Variants in BACE1 observed in about 807,000 individuals in gnomAD.
BACE1 encodes APP beta-secretase.
A neutral mutation model predicts 54.0 loss-of-function variants in BACE1; 21 were observed. The observed-to-expected ratio is 0.39, with a 90% CI of 0.28 to 0.56. The LOEUF is 0.56. Ranked by LOEUF, BACE1 falls within the 20% of genes least tolerant of loss-of-function variation. BACE1 has a pLI of 0.63. For missense variants in BACE1, 511 were observed against 661.2 expected (o/e 0.77, Z 2.49); for synonymous variants, 232 against 260.9 (o/e 0.89, Z 1.07).
rs1342769624 is a variant in BACE1 at position 117,293,124 on chromosome 11, T to G, written c.770A>C (p.Glu257Ala). Residue 257 changes from glutamate (E) to alanine (A), a missense_variant, in exon 5 of 9, where the codon GAG (glutamate) becomes GCG (alanine). Glu to Ala is a moderately radical substitution (Grantham distance 107). This residue lies in a region of BACE1 where 407 missense variants were observed against 565.7 expected (regional missense o/e 0.72). Transcript: ENST00000313005. The surrounding 1 kb of genome is among the most constrained non-coding windows in gnomAD (Gnocchi z 4.1). ...CACAATGATCACCTCATAATACCAC[T>G]CCCGCCGGATGGGTGTATACCAGAG... Reference protein sequence around the residue: ...GSLWYTPIRREWYYEVIIVRV... With the variant: ...GSLWYTPIRRAWYYEVIIVRV... 1.1e-5 allele frequency: 17 copies of G among 1,613,730 alleles called. No homozygotes were observed. The highest frequency in any genetic ancestry group is 1.3e-5 in the Non-Finnish European group (15 of 1,179,912).
At chr11:117,299,025 C>T (rs749522106) in intron 1 of BACE1, among the ~76,000 whole-genome samples, 9 of 152,220 alleles carry the variant, frequency 5.9e-5, no homozygotes, top group South Asian at 2.1e-4. Flanking sequence ...AGGCTGGTCT[C>T]GAACTCCTGA....
rs80292650 is a variant in BACE1 at position 117,300,833 on chromosome 11, C to T, written c.262-3872G>A. ...CCATCTCCACCAAATCTGAATTCTT[C>T]CTGTTGACATTTACAGATGCTCATC... On this transcript the variant is annotated intron_variant, in intron 1 of 8. Coordinates refer to ENST00000313005, the MANE Select transcript of BACE1 (RefSeq NM_012104.6). Among the ~76,000 whole-genome samples, 730 of 152,282 alleles carry T rather than the reference C, an allele frequency of 4.8e-3. 3 individuals carry two copies. Among genetic ancestry groups the T allele is most frequent in the Non-Finnish European group, 7.3e-3 (497 of 68,016 alleles).
Position 117,289,878 on chromosome 11 carries a change from TAGTG to T in BACE1, c.1265-75_1265-72del, listed in dbSNP as rs2034367701. 1.5e-5 allele frequency: 20 copies of T among 1,368,452 alleles called. No individual in the cohort carries two copies. In the South Asian group the frequency reaches 1.8e-4, roughly 12 times the overall value. The allele number at this position is 1,368,452 out of a possible 1,614,324, so 84.8% of individuals were successfully genotyped here. ...GGAGTTAACAAAAAGAACTTCCTGA[TAGTG>T]AGGCCTTGAAATTAGCCCATGCAGA... On this transcript the variant is annotated intron_variant, in intron 8 of 8. Transcript: ENST00000313005.
intron 1 of BACE1, among the ~76,000 whole-genome samples, chr11:117,307,986 C>G (rs2034868413): frequency 6.6e-6 from 1 of 151,206 alleles, no homozygotes; most frequent in Non-Finnish European, 1.5e-5. Flanking sequence ...AAAATATAAC[C>G]CAGAAGTCCA....
chr11:117,293,278 G>C lies in BACE1; in HGVS notation c.706-90C>G. 7.1e-7 allele frequency: 1 copy of C among 1,401,366 alleles called. No homozygotes were observed. Among genetic ancestry groups the C allele is most frequent in the Non-Finnish European group, 9.8e-7 (1 of 1,025,484 alleles). 86.8% of individuals were successfully genotyped at this position (1,401,366 alleles called of 1,614,324 possible). A position where few individuals can be genotyped will look rare whatever the true frequency, so the allele number is the denominator to read the frequency against. On this transcript the variant is annotated intron_variant, in intron 4 of 8. Transcript: ENST00000313005. The surrounding 1 kb of genome is among the most constrained non-coding windows in gnomAD (Gnocchi z 4.1). ...CAAGCAATAAGATCAGTGATTTCTT[G>C]GGGTGGCAAGGTCTTCTACAGGCTA...
chr11:117,306,545 C>T (rs1237823583), intron 1 of BACE1, among the ~76,000 whole-genome samples: 3 of 152,280 alleles, frequency 2.0e-5, no homozygotes, highest in African/African-American at 2.4e-5. Context: ...CAGTGACTCA[C>T]GCCTGTAGTC....
At chr11:117,292,845 G>T in intron 5 of BACE1, 1 of 504,312 alleles carries the variant, frequency 2.0e-6, no homozygotes, top group Non-Finnish European at 3.5e-6. Flanking sequence ...CTAGTTCCAT[G>T]TTTTTTTTTT....
intron 1 of BACE1, among the ~76,000 whole-genome samples, chr11:117,298,236 A>G (rs1287018184): frequency 6.6e-6 from 1 of 152,000 alleles, no homozygotes; most frequent in Non-Finnish European, 1.5e-5. Context: ...CAGGAGGCGG[A>G]GGTTGCAGTG....
chr11:117,296,256 C>T (rs970442198), intron 2 of BACE1, among the ~76,000 whole-genome samples: 2 of 151,928 alleles, frequency 1.3e-5, no homozygotes, highest in Middle Eastern at 6.8e-3. Flanking sequence ...TCACCAGTCC[C>T]CCACTTTCAC....
At chr11:117,296,766 G>T in intron 2 of BACE1, 107 bp downstream of exon 2, 1 of 903,244 alleles carries the variant, frequency 1.1e-6, no homozygotes, top group Non-Finnish European at 1.7e-6. Context: ...TCCCTGGCAA[G>T]AAGAAAATCT....
At chr11:117,308,246 A>C (rs2034874461) in intron 1 of BACE1, among the ~76,000 whole-genome samples, 1 of 152,030 alleles carries the variant, frequency 6.6e-6, no homozygotes, top group Admixed American at 6.6e-5. Flanking sequence ...TGCTCTGATC[A>C]TTTTCTCTTG....
Position 117,315,917 on chromosome 11 carries a change from CGCCAGGGCCTGCAGGGCCCTGG to C in BACE1, c.-144_-123del, listed in dbSNP as rs1203302956. On this transcript the variant is annotated 5_prime_UTR_variant, in exon 1 of 9. Coordinates refer to ENST00000313005, the MANE Select transcript of BACE1 (RefSeq NM_012104.6). This position sits in a 1 kb window ranked among gnomAD's most constrained non-coding sequence, Gnocchi z 5.5. Reference sequence around the variant, plus strand: ...GAGAGGGAGCTTGGGGGCATCAGGACGCCAGGGCCTGCAGGGCCCTGGGCCAGCCCCCGGGTCCGGGCTGTGG... The same window carrying C: ...GAGAGGGAGCTTGGGGGCATCAGGACGCCAGCCCCCGGGTCCGGGCTGTGG... The C allele has an allele frequency of 8.5e-7, 1 of 1,170,740 alleles. No individual in the cohort carries two copies. Among genetic ancestry groups the C allele is most frequent in the Admixed American group, 4.1e-5 (1 of 24,142 alleles). 72.5% of individuals were successfully genotyped at this position (1,170,740 alleles called of 1,614,324 possible).
chr11:117,291,677 A>G, intron 6 of BACE1, 35 bp downstream of exon 6: 1 of 1,468,138 alleles, frequency 6.8e-7, no homozygotes, highest in Non-Finnish European at 9.5e-7. Flanking sequence ...CTGACACTGT[A>G]CCATCTCTTT....
At chr11:117,290,877 C>G in intron 7 of BACE1, 23 bp downstream of exon 7, 1 of 1,610,780 alleles carries the variant, frequency 6.2e-7, no homozygotes. Context: ...AGAGAGATCC[C>G]CCTGACTCAG....
At chr11:117,313,095 C>T (rs3907097) in intron 1 of BACE1, among the ~76,000 whole-genome samples, 1 of 152,224 alleles carries the variant, frequency 6.6e-6, no homozygotes, top group Non-Finnish European at 1.5e-5. Context: ...TCCAAGTTCT[C>T]ATTTGGCACT....
At chr11:117,294,388 T>C (rs2034542816) in intron 3 of BACE1, 1 of 158,548 alleles carries the variant, frequency 6.3e-6, no homozygotes, top group Admixed American at 6.4e-5. Flanking sequence ...GGCTAATTTC[T>C]GTGTTTTCAG....
At chr11:117,290,826 G>A in intron 7 of BACE1, 74 bp downstream of exon 7, 1 of 1,570,904 alleles carries the variant, frequency 6.4e-7, no homozygotes. Context: ...CCAAGTTCTG[G>A]CAAGCCATAC....
At position 117,286,382 on chromosome 11, in the gene BACE1, T is replaced by G. The variant is rs1591847954; in HGVS notation, c.*3184A>C. ...TATTAGAGCTTTGAATCTTTTCCTATCCTTTTATCTTTACTCCTACAGGGA... is the reference window on the plus strand; with the variant it reads ...TATTAGAGCTTTGAATCTTTTCCTAGCCTTTTATCTTTACTCCTACAGGGA... On this transcript the variant is annotated 3_prime_UTR_variant, in exon 9 of 9. Transcript: ENST00000313005. The G allele has an allele frequency of 6.6e-6, 1 of 152,230 alleles. No individual in the cohort carries two copies. Among genetic ancestry groups the G allele is most frequent in the South Asian group, 2.1e-4 (1 of 4,834 alleles). The allele number at this position is 152,230 out of a possible 1,614,324, so 9.4% of individuals were successfully genotyped here. A position where few individuals can be genotyped will look rare whatever the true frequency, so the allele number is the denominator to read the frequency against.
In BACE1 at chr11:117,291,874, G is replaced by A. The variant is rs908883505; in HGVS notation, c.841-61C>T. On this transcript the variant is annotated intron_variant, in intron 5 of 8. Coordinates refer to ENST00000313005, the MANE Select transcript of BACE1 (RefSeq NM_012104.6). ...GGTTTTTGATGCTGGGCTCTGGGCA[G>A]TAGGGGGTTACTGCTGGGGCCCCAG... The A allele has an allele frequency of 3.8e-6, 5 of 1,326,170 alleles. No homozygotes were observed. In the African/African-American group the frequency reaches 4.4e-5, roughly 12 times the overall value. The allele number at this position is 1,326,170 out of a possible 1,614,324, so 82.2% of individuals were successfully genotyped here.
Sources: allele counts gnomAD v4.1 joint callset (sites outside exome capture counted in the v4.1 genomes callset), GRCh38; gene constraint gnomAD v4.1.1; regional missense constraint gnomAD v4.1.1; non-coding constraint Gnocchi (gnomAD v3.1); transcripts MANE v1.5; gene names NCBI Gene and HGNC (gene_info 2026-07-23, HGNC 2026-07-21).